The following MGST1 variants were observed in gnomAD, a reference collection of about 807,000 sequenced individuals.
MGST1 encodes glutathione S-transferase 12.
In MGST1, 5 loss-of-function variants were observed where a neutral mutation model predicts 8.9. That is an observed-to-expected ratio of 0.56 (90% CI 0.29 to 1.19). MGST1 has a LOEUF of 1.19. MGST1 is among the 50% of genes most tolerant of loss of function. The pLI is 0.08. For missense variants in MGST1, 182 were observed against 187.4 expected, an observed-to-expected ratio of 0.97 and a Z score of 0.17; for synonymous variants, 54 against 67.8, an observed-to-expected ratio of 0.80 and a Z score of 1.00.
Position 16,482,665 on chromosome 12 carries a change from A to G in MGST1, n.482+99061A>G, listed in dbSNP as rs1350969785. On this transcript the variant is annotated intron_variant and non_coding_transcript_variant, in intron 4 of 4. Transcript: ENST00000538857. The surrounding 1 kb of genome is among the most constrained non-coding windows in gnomAD (Gnocchi z 4.2). Reference sequence around the variant, plus strand: ...AAAAAAAGAGTGAGAACATGTAAAAATGCAAGAACATGTAAAAATGCAACA... The same window carrying G: ...AAAAAAAGAGTGAGAACATGTAAAAGTGCAAGAACATGTAAAAATGCAACA... Among the ~76,000 whole-genome samples, 1 of 152,096 alleles carries G rather than the reference A, an allele frequency of 6.6e-6. No homozygotes were observed. Among genetic ancestry groups the G allele is most frequent in the Non-Finnish European group, 1.5e-5 (1 of 68,002 alleles).
At chr12:16,575,044 AG>A (rs1942948925) in intron 4 of MGST1, among the ~76,000 whole-genome samples, 1 of 152,108 alleles carries the variant, frequency 6.6e-6, no homozygotes, top group African/African-American at 2.4e-5. Flanking sequence ...ACAAAAGAAA[AG>A]GTGTTTTCGT....
At chr12:16,578,633 C>T (rs912921453) in intron 4 of MGST1, among the ~76,000 whole-genome samples, 2 of 152,106 alleles carry the variant, frequency 1.3e-5, no homozygotes, top group Non-Finnish European at 2.9e-5. Flanking sequence ...GCTTGGCCAA[C>T]ATGGTGAAGC....
chr12:16,524,134 T>C (rs986058052), intron 4 of MGST1, among the ~76,000 whole-genome samples: 1 of 152,088 alleles, frequency 6.6e-6, no homozygotes, highest in Non-Finnish European at 1.5e-5. Context: ...TTGTGTTTTA[T>C]TAGCTGGTAT....
intron 4 of MGST1, among the ~76,000 whole-genome samples, chr12:16,498,672 C>A (rs1941485394): frequency 6.6e-6 from 1 of 152,142 alleles, no homozygotes; most frequent in South Asian, 2.1e-4. Flanking sequence ...AACAAACATG[C>A]CATTTTATGC....
At position 16,521,103 on chromosome 12, in the gene MGST1, A is replaced by T. The variant is rs544416782; in HGVS notation, n.483-68425A>T. Among the ~76,000 whole-genome samples, 6 of 151,888 alleles carry T rather than the reference A, an allele frequency of 4.0e-5. No homozygotes were observed. In the East Asian group the frequency reaches 1.2e-3, roughly 29 times the overall value. ...CGCAATTGATTACCGCTCTTTAGGT[A>T]CTCCCCTTTAGCTAGTTATGGGCCA... is the stretch of plus-strand genomic sequence containing the variant. On this transcript the variant is annotated intron_variant and non_coding_transcript_variant, in intron 4 of 4. Coordinates refer to the MGST1 transcript ENST00000538857.
intron 1 of MGST1, chr12:16,399,935 G>A: frequency 2.3e-6 from 3 of 1,299,730 alleles, no homozygotes; most frequent in Non-Finnish European, 3.4e-6. Flanking sequence ...ACCACAAAAG[G>A]TGGCCATTCC....
At chr12:16,489,158 G>T (rs945652130) in intron 4 of MGST1, among the ~76,000 whole-genome samples, 7 of 151,884 alleles carry the variant, frequency 4.6e-5, no homozygotes, top group African/African-American at 1.7e-4. Flanking sequence ...AATACTTATT[G>T]AACAAATAAA....
At chr12:16,562,509 T>A (rs1237063854) in intron 4 of MGST1, among the ~76,000 whole-genome samples, 1 of 152,234 alleles carries the variant, frequency 6.6e-6, no homozygotes, top group Non-Finnish European at 1.5e-5. Flanking sequence ...GCTGAGCATT[T>A]ATCAGCTACC....
intron 1 of MGST1, among the ~76,000 whole-genome samples, chr12:16,405,402 T>G (rs1207777635): frequency 6.6e-6 from 1 of 151,338 alleles, no homozygotes; most frequent in Non-Finnish European, 1.5e-5. Context: ...AATAATGAGC[T>G]CCAAAATTCA....
chr12:16,456,847 A>G (rs1941177847), intron 4 of MGST1, among the ~76,000 whole-genome samples: 1 of 151,850 alleles, frequency 6.6e-6, no homozygotes. Context: ...CTGTCAATTC[A>G]GCTTCTGAAA....
At chr12:16,407,570 C>A (rs1413158053) in intron 1 of MGST1, among the ~76,000 whole-genome samples, 1 of 152,088 alleles carries the variant, frequency 6.6e-6, no homozygotes, top group Non-Finnish European at 1.5e-5. Flanking sequence ...TTGGCATATA[C>A]CCAGAGGAAT....
At chr12:16,535,767 C>T (rs1332718213) in intron 4 of MGST1, among the ~76,000 whole-genome samples, 1 of 152,072 alleles carries the variant, frequency 6.6e-6, no homozygotes. Flanking sequence ...GTGTCAAAAG[C>T]ATCAAAAATG....
chr12:16,432,498 T>C (rs552576292), intron 1 of MGST1, among the ~76,000 whole-genome samples: 9 of 152,128 alleles, frequency 5.9e-5, no homozygotes, highest in African/African-American at 2.2e-4. Flanking sequence ...TGGTTGAATT[T>C]TTTTCCTCTT....
chr12:16,376,083 G>A, intron 3 of MGST1: 1 of 1,275,856 alleles, frequency 7.8e-7, no homozygotes, highest in Non-Finnish European at 1.1e-6. Flanking sequence ...TATAGTCTTT[G>A]AAGGATATTA....
In MGST1 at chr12:16,565,830, A is replaced by G. The variant is rs549846469; in HGVS notation, n.483-23698A>G. Among the ~76,000 whole-genome samples the G allele has an allele frequency of 1.7e-4, 25 of 151,116 alleles. No individual in the cohort carries two copies. The East Asian group carries it at 3.7e-3, about 23-fold the overall frequency. On this transcript the variant is annotated intron_variant and non_coding_transcript_variant, in intron 4 of 4. Coordinates refer to the MGST1 transcript ENST00000538857. ...AACAGAACTACCATATGATCCAGCA[A>G]TCCCACTACTGGATTAAAAATCCCA...
chr12:16,364,632 C>T (rs1014221497), downstream of MGST1, among the ~76,000 whole-genome samples: 5 of 152,188 alleles, frequency 3.3e-5, no homozygotes, highest in South Asian at 4.1e-4. The surrounding 1 kb of genome is among the most constrained non-coding windows in gnomAD (Gnocchi z 5.7). Flanking sequence ...AACTTCAGCA[C>T]GTTTTTCCTA....
intron 4 of MGST1, among the ~76,000 whole-genome samples, chr12:16,466,392 A>G (rs1459996873): frequency 6.6e-6 from 1 of 152,194 alleles, no homozygotes; most frequent in Non-Finnish European, 1.5e-5. Flanking sequence ...AAGTGAAGGA[A>G]TCTACTGTAT....
At chr12:16,353,094 T>C (rs968376834) in intron 1 of MGST1, among the ~76,000 whole-genome samples, 14 of 151,920 alleles carry the variant, frequency 9.2e-5, no homozygotes, top group Non-Finnish European at 1.9e-4. Context: ...AGTGCAGTGG[T>C]GCCATCTTGG....
intron 1 of MGST1, among the ~76,000 whole-genome samples, chr12:16,429,479 T>C (rs980331539): frequency 7.2e-6 from 1 of 139,654 alleles, no homozygotes; most frequent in Non-Finnish European, 1.5e-5. Flanking sequence ...ATCATATCTT[T>C]TGATTCCTGC....
Sources: allele counts gnomAD v4.1 joint callset (sites outside exome capture counted in the v4.1 genomes callset), GRCh38; gene constraint gnomAD v4.1.1; non-coding constraint Gnocchi (gnomAD v3.1); transcripts MANE v1.5; gene names NCBI Gene and HGNC (gene_info 2026-07-23, HGNC 2026-07-21).